The following CCDC59 variants were observed in gnomAD, a reference collection of about 807,000 sequenced individuals.
The protein encoded by CCDC59 is thyroid transcription factor 1-associated protein 26.
A neutral mutation model predicts 30.5 loss-of-function variants in CCDC59; 27 were observed. That is an observed-to-expected ratio of 0.89 (90% CI 0.65 to 1.22). The LOEUF is 1.22. Among genes scored for constraint, CCDC59 ranks in the 50% most tolerant of loss-of-function variants. CCDC59 has a pLI of 0.00. For missense variants in CCDC59, 362 were observed against 284.4 expected (o/e 1.27, Z -1.96); for synonymous variants, 125 against 100.9 (o/e 1.24, Z -1.43).
At position 82,353,000 on chromosome 12, in the gene CCDC59, T is replaced by A. The variant is rs577866823; in HGVS notation, c.*151A>T. 1 of 582,462 alleles carries A rather than the reference T, an allele frequency of 1.7e-6. No homozygotes were observed. The highest frequency in any genetic ancestry group is 3.7e-5 in the Admixed American group (1 of 27,248). The allele number at this position is 582,462 out of a possible 1,614,324, so 36.1% of individuals were successfully genotyped here. ...AACATGTAGAACATATTTAGAAAAT[T>A]TTTTACCATAATAAAAATATGTGAA... On this transcript the variant is annotated 3_prime_UTR_variant, in exon 4 of 4. Transcript: ENST00000256151.
chr12:82,353,087 G>T lies in CCDC59; in HGVS notation c.*64C>A. On this transcript the variant is annotated 3_prime_UTR_variant, in exon 4 of 4. Transcript: ENST00000256151. ...TGTCGACAAATTTAGTTCACTGCTG[G>T]GAGGCACATGTCACAGAAGAACCTA... 7.6e-7 allele frequency: 1 copy of T among 1,309,098 alleles called. No individual in the cohort carries two copies. Among genetic ancestry groups the T allele is most frequent in the Non-Finnish European group, 1.1e-6 (1 of 949,534 alleles). 81.1% of individuals were successfully genotyped at this position (1,309,098 alleles called of 1,614,324 possible). A position where few individuals can be genotyped will look rare whatever the true frequency, so the allele number is the denominator to read the frequency against.
In CCDC59 at chr12:82,358,277, G is replaced by T; in HGVS notation, c.100C>A (p.Gln34Lys). Residue 34 changes from glutamine (Q) to lysine (K), a missense_variant, in exon 1 of 4, where the codon CAG becomes AAG. Transcript: ENST00000256151. ...TVGYRNKNVR[Q>K]KTWRPNHPQA... Reference sequence around the variant, plus strand: ...GGGTGGTTAGGCCGCCATGTCTTCTGTCTCACATTCTTATTCCTGTACCCG... The same window carrying T: ...GGGTGGTTAGGCCGCCATGTCTTCTTTCTCACATTCTTATTCCTGTACCCG... 2 of 1,614,142 alleles carry T rather than the reference G, an allele frequency of 1.2e-6. No homozygotes were observed. Among genetic ancestry groups the T allele is most frequent in the Non-Finnish European group, 1.7e-6 (2 of 1,180,008 alleles).
At chr12:82,358,678 C>G (rs116371584), upstream of CCDC59, 1,703 of 1,614,184 alleles carry the variant, frequency 1.1e-3, 19 homozygotes, top group African/African-American at 0.021. Context: ...AATGCACATA[C>G]CGTGGATTTC....
rs746116992 is a variant in CCDC59 at position 82,358,305 on chromosome 12, A to T, written c.72T>A (p.Thr24=). The T allele has an allele frequency of 3.1e-6, 5 of 1,614,182 alleles. No individual in the cohort carries two copies. The Admixed American group carries it at 8.3e-5, about 27-fold the overall frequency. The change falls in exon 1 of 4, where the codon ACT becomes ACA. Residue 24 remains threonine (T), a synonymous_variant. Transcript: ENST00000256151. The part of the protein sequence containing the change: ...GIEARGEGVS[T]VGYRNKNVRQ... ...TCACATTCTTATTCCTGTACCCGAC[A>T]GTGGAAACCCCTTCACCACGCGCCT...
chr12:82,353,405 C>T, intron 3 of CCDC59, 93 bp from the exon 4 acceptor site: 1 of 991,148 alleles, frequency 1.0e-6, no homozygotes, highest in Non-Finnish European at 1.5e-6. Context: ...AGCAAACACT[C>T]TAAGGTTTGT....
upstream of CCDC59, chr12:82,358,693 C>A: frequency 6.2e-7 from 1 of 1,614,210 alleles, no homozygotes; most frequent in Non-Finnish European, 8.5e-7. Context: ...GATTTCTACA[C>A]AGAATCCGTG....
Position 82,354,358 on chromosome 12 carries a change from TCA to T in CCDC59, c.564+135_564+136del, listed in dbSNP as rs1880934529. The stretch of plus-strand genomic sequence containing the variant: ...ATAAGATGCAATCCTCTACCTTTGC[TCA>T]GACTACTCATTCATTCAACAAATAT... On this transcript the variant is annotated intron_variant, in intron 3 of 3. Transcript: ENST00000256151. 11 of 574,838 alleles carry T rather than the reference TCA, an allele frequency of 1.9e-5. No homozygotes were observed. In the South Asian group the frequency reaches 4.0e-4, roughly 21 times the overall value. The allele number at this position is 574,838 out of a possible 1,614,324, so 35.6% of individuals were successfully genotyped here.
chr12:82,358,289 T>C lies in CCDC59; in HGVS notation c.88A>G (p.Lys30Glu). 6.2e-7 allele frequency: 1 copy of C among 1,614,154 alleles called. No individual in the cohort carries two copies. ...EGVSTVGYRN[K>E]NVRQKTWRPN... ...CGCCATGTCTTCTGTCTCACATTCT[T>C]ATTCCTGTACCCGACAGTGGAAACC... Residue 30 changes from lysine to glutamate, a missense_variant, in exon 1 of 4, where the codon AAG becomes GAG. Coordinates refer to ENST00000256151, the MANE Select transcript of CCDC59 (RefSeq NM_014167.5).
Position 82,353,039 on chromosome 12 carries a change from G to T in CCDC59, c.*112C>A. 1 of 749,086 alleles carries T rather than the reference G, an allele frequency of 1.3e-6. No individual in the cohort carries two copies. Among genetic ancestry groups the T allele is most frequent in the Non-Finnish European group, 2.1e-6 (1 of 471,814 alleles). The allele number at this position is 749,086 out of a possible 1,614,324, so 46.4% of individuals were successfully genotyped here. ...AAAATATGTGAACATCTTATATTTA[G>T]CATAGTTTAGCAATCCAGTTTATGT... On this transcript the variant is annotated 3_prime_UTR_variant, in exon 4 of 4. Transcript: ENST00000256151.
At chr12:82,355,183 C>G (rs1880971310) in intron 2 of CCDC59, 1 of 152,388 alleles carries the variant, frequency 6.6e-6, no homozygotes, top group Non-Finnish European at 1.5e-5. Flanking sequence ...CGACTTTGGA[C>G]TAGTGACTAG....
Position 82,357,193 on chromosome 12 carries a change from A to G in CCDC59, c.231T>C (p.Ala77=), listed in dbSNP as rs757263640. 1.9e-6 allele frequency: 3 copies of G among 1,614,144 alleles called. No individual in the cohort carries two copies. Among genetic ancestry groups the G allele is most frequent in the Non-Finnish European group, 2.5e-6 (3 of 1,179,996 alleles). Residue 77 remains alanine (A), a synonymous_variant, in exon 2 of 4, where the codon GCT becomes GCC. Coordinates refer to ENST00000256151, the MANE Select transcript of CCDC59 (RefSeq NM_014167.5). ...TGAATTGAGATTCCAGTGACGTTTG[A>G]GCCTTCTTTTCCTTCCGTAGCAATT... is the stretch of plus-strand genomic sequence containing the variant. ...YKKLLRKEKK[A]QTSLESQFTD...
At chr12:82,357,379 C>T (rs745402383) in intron 1 of CCDC59, 110 bp from the exon 2 acceptor site, 10 of 856,738 alleles carry the variant, frequency 1.2e-5, no homozygotes, top group African/African-American at 1.7e-5. Flanking sequence ...CATTCAGATT[C>T]TAGTATTATA....
At chr12:82,358,668 AATGCACATACCGT>A, upstream of CCDC59, 1 of 1,614,070 alleles carries the variant, frequency 6.2e-7, no homozygotes. Flanking sequence ...GTCCATTTCC[AATGCACATACCGT>A]GGATTTCTAC....
Position 82,353,055 on chromosome 12 carries a change from C to A in CCDC59, c.*96G>T. The A allele has an allele frequency of 1.1e-6, 1 of 905,820 alleles. No individual in the cohort carries two copies. 56.1% of individuals were successfully genotyped at this position (905,820 alleles called of 1,614,324 possible). ...TTATATTTAGCATAGTTTAGCAATCCAGTTTATGTCGACAAATTTAGTTCA... is the reference window on the plus strand; with the variant it reads ...TTATATTTAGCATAGTTTAGCAATCAAGTTTATGTCGACAAATTTAGTTCA... On this transcript the variant is annotated 3_prime_UTR_variant, in exon 4 of 4. Coordinates refer to ENST00000256151, the MANE Select transcript of CCDC59 (RefSeq NM_014167.5).
Position 82,353,005 on chromosome 12 carries a change from A to G in CCDC59, c.*146T>C, listed in dbSNP as rs1880873560. On this transcript the variant is annotated 3_prime_UTR_variant, in exon 4 of 4. Coordinates refer to ENST00000256151, the MANE Select transcript of CCDC59 (RefSeq NM_014167.5). ...GTAGAACATATTTAGAAAATTTTTT[A>G]CCATAATAAAAATATGTGAACATCT... 5.1e-6 allele frequency: 3 copies of G among 593,170 alleles called. No individual in the cohort carries two copies. Among genetic ancestry groups the G allele is most frequent in the Admixed American group, 3.6e-5 (1 of 27,614 alleles). 36.7% of individuals were successfully genotyped at this position (593,170 alleles called of 1,614,324 possible).
intron 2 of CCDC59, 198 bp downstream of exon 2, chr12:82,356,757 GTTACT>G (rs1454340518): frequency 4.5e-6 from 2 of 447,192 alleles, no homozygotes; most frequent in African/African-American, 2.0e-5. Context: ...TTCCCATTAC[GTTACT>G]TTGTCAATTA....
upstream of CCDC59, chr12:82,358,519 C>T (rs536755137): frequency 3.1e-6 from 5 of 1,599,010 alleles, no homozygotes; most frequent in African/African-American, 2.7e-5. Flanking sequence ...CGAGCTGGCG[C>T]CTCACGGCCA....
chr12:82,356,371 C>T (rs1471806666), intron 2 of CCDC59, among the ~76,000 whole-genome samples: 8 of 152,158 alleles, frequency 5.3e-5, no homozygotes. Context: ...AACCACGTAC[C>T]ATATATACCC....
intron 2 of CCDC59, chr12:82,355,303 G>A (rs1280924316): frequency 6.6e-6 from 1 of 152,160 alleles, no homozygotes; most frequent in Non-Finnish European, 1.5e-5. Context: ...CACGGTTTCA[G>A]TTACCTGCAG....
Sources: gnomAD v4.1 joint callset for allele counts (sites outside exome capture counted in the v4.1 genomes callset) on GRCh38, gnomAD v4.1.1 for gene constraint, MANE v1.5 for transcripts, NCBI Gene and HGNC (gene_info 2026-07-23, HGNC 2026-07-21) for gene names.